TMBIM4: variants seen among roughly 807,000 people sequenced by gnomAD.
TMBIM4 encodes transmembrane BAX inhibitor motif containing 4.
TMBIM4 carries 28 observed loss-of-function variants against 27.7 expected under a neutral mutation model. The observed-to-expected ratio is 1.01, with a 90% CI of 0.75 to 1.38. TMBIM4 has a LOEUF of 1.38. TMBIM4 is among the 40% of genes most tolerant of loss of function. TMBIM4 has a pLI of 0.00. For missense variants in TMBIM4, 265 were observed against 277.5 expected, an observed-to-expected ratio of 0.95 and a Z score of 0.32; for synonymous variants, 115 against 113.1, an observed-to-expected ratio of 1.02 and a Z score of -0.11.
chr12:66,163,217 G>A (rs1365398742), intron 1 of TMBIM4, among the ~76,000 whole-genome samples: 1 of 152,142 alleles, frequency 6.6e-6, no homozygotes, highest in Non-Finnish European at 1.5e-5. Flanking sequence ...CCTGGGACTA[G>A]CAGGGACTCT....
intron 5 of TMBIM4, among the ~76,000 whole-genome samples, chr12:66,142,899 G>C (rs1045567552): frequency 6.6e-6 from 1 of 152,112 alleles, no homozygotes; most frequent in Non-Finnish European, 1.5e-5. Flanking sequence ...ATTTGAGCCT[G>C]ATCAGACACT....
chr12:66,165,903 G>C (rs2136887817), intron 1 of TMBIM4, among the ~76,000 whole-genome samples: 1 of 152,080 alleles, frequency 6.6e-6, no homozygotes, highest in African/African-American at 2.4e-5. Flanking sequence ...TGTGTTCTTT[G>C]ATACACAGAA....
At chr12:66,154,919 G>T (rs1332971324) in intron 1 of TMBIM4, among the ~76,000 whole-genome samples, 1 of 152,118 alleles carries the variant, frequency 6.6e-6, no homozygotes, top group African/African-American at 2.4e-5. Flanking sequence ...GTCCTAAACA[G>T]ATTTTACTGG....
intron 1 of TMBIM4, 129 bp downstream of exon 1, chr12:66,169,726 G>A: frequency 1.5e-6 from 1 of 653,082 alleles, no homozygotes; most frequent in Non-Finnish European, 2.4e-6. Flanking sequence ...AAGGAGGGCC[G>A]GGAGCTCAGT....
At chr12:66,138,269 A>G in intron 6 of TMBIM4, 103 bp from the exon 7 acceptor site, 1 of 1,472,816 alleles carries the variant, frequency 6.8e-7, no homozygotes, top group South Asian at 1.4e-5. Flanking sequence ...TACATTTGAC[A>G]ATGGTGTACA....
At chr12:66,151,129 G>A (rs905333020) in intron 3 of TMBIM4, among the ~76,000 whole-genome samples, 6 of 151,942 alleles carry the variant, frequency 3.9e-5, no homozygotes, top group African/African-American at 1.5e-4. Flanking sequence ...AAAGTCATCA[G>A]CTTTTCATTT....
chr12:66,157,935 C>G (rs2051963536), intron 1 of TMBIM4, among the ~76,000 whole-genome samples: 1 of 152,016 alleles, frequency 6.6e-6, no homozygotes, highest in Non-Finnish European at 1.5e-5. Context: ...GAAGAAATGT[C>G]AAAAAGATGG....
At chr12:66,150,228 T>A (rs2051822337) in intron 3 of TMBIM4, among the ~76,000 whole-genome samples, 1 of 152,164 alleles carries the variant, frequency 6.6e-6, no homozygotes. Context: ...GCCGTCTTTT[T>A]TTTTATACTT....
chr12:66,161,446 G>T (rs1452827651), intron 1 of TMBIM4, among the ~76,000 whole-genome samples: 1 of 152,146 alleles, frequency 6.6e-6, no homozygotes, highest in Non-Finnish European at 1.5e-5. Flanking sequence ...TCACCGTGTT[G>T]CATAGGCTAG....
chr12:66,149,712 G>A (rs985654912), intron 3 of TMBIM4, among the ~76,000 whole-genome samples: 3 of 152,182 alleles, frequency 2.0e-5, no homozygotes, highest in South Asian at 2.1e-4. Context: ...TGAAAATATC[G>A]TAAGTAAAAA....
At position 66,137,395 on chromosome 12, in the gene TMBIM4, A is replaced by G. The variant is rs898444343; in HGVS notation, c.*565T>C. On this transcript the variant is annotated 3_prime_UTR_variant, in exon 7 of 7. Coordinates refer to ENST00000358230, the MANE Select transcript of TMBIM4 (RefSeq NM_016056.4). Reference sequence around the variant, plus strand: ...GCTATGCGTGGCTAATTTAGGAAGAAAAATTTTTTTTTTTTTTTTGAGACT... The same window carrying G: ...GCTATGCGTGGCTAATTTAGGAAGAGAAATTTTTTTTTTTTTTTTGAGACT... 2.0e-5 allele frequency: 3 copies of G among 152,148 alleles called. No individual in the cohort carries two copies. Among genetic ancestry groups the G allele is most frequent in the Non-Finnish European group, 4.4e-5 (3 of 68,062 alleles). 9.4% of individuals were successfully genotyped at this position (152,148 alleles called of 1,614,324 possible). A position where few individuals can be genotyped will look rare whatever the true frequency, so the allele number is the denominator to read the frequency against.
Position 66,153,354 on chromosome 12 carries a change from T to C in TMBIM4, c.192A>G (p.Thr64=). 1.3e-6 allele frequency: 2 copies of C among 1,571,088 alleles called. No homozygotes were observed. Among genetic ancestry groups the C allele is most frequent in the Non-Finnish European group, 1.7e-6 (2 of 1,151,026 alleles). The change falls in exon 2 of 7, where the codon ACA becomes ACG. Residue 64 remains threonine, a synonymous_variant. Coordinates refer to ENST00000358230, the MANE Select transcript of TMBIM4 (RefSeq NM_016056.4). ...CATTACCTTACCTCTCATGTACAAA[T>C]GTCCGTACAGACTCAAAGTATAAAA... ...TVFLYFESVR[T]FVHESPALIL... is the part of the protein sequence containing the mutation.
At chr12:66,163,489 CCTT>C (rs1056994965) in intron 1 of TMBIM4, among the ~76,000 whole-genome samples, 8 of 151,984 alleles carry the variant, frequency 5.3e-5, no homozygotes, top group African/African-American at 1.9e-4. Flanking sequence ...GCAAACATGT[CCTT>C]CTTCTCATGA....
At chr12:66,146,947 T>C (rs191248506) in intron 4 of TMBIM4, among the ~76,000 whole-genome samples, 84 of 152,334 alleles carry the variant, frequency 5.5e-4, no homozygotes, top group African/African-American at 1.8e-3. Context: ...ACCTCATCTA[T>C]GTTTTTCTAC....
In TMBIM4 at chr12:66,167,429, T is replaced by C. The variant is rs536212412; in HGVS notation, c.97+2426A>G. ...CCTAAAATTGCTTTTAAAAAATTAA[T>C]TGGGCAAAGGACTTGAATAACATTT... On this transcript the variant is annotated intron_variant, in intron 1 of 6. Coordinates refer to ENST00000358230, the MANE Select transcript of TMBIM4 (RefSeq NM_016056.4). 2.8e-4 allele frequency among the ~76,000 whole-genome samples: 42 copies of C among 152,356 alleles called. No homozygotes were observed. In the South Asian group the frequency reaches 3.9e-3, roughly 14 times the overall value.
At chr12:66,140,515 A>T (rs931458006) in intron 5 of TMBIM4, among the ~76,000 whole-genome samples, 6 of 152,220 alleles carry the variant, frequency 3.9e-5, no homozygotes, top group Non-Finnish European at 8.8e-5. Context: ...AGGGGACAAC[A>T]TCTAGAAGTC....
chr12:66,144,118 C>T (rs1592536421), intron 5 of TMBIM4, among the ~76,000 whole-genome samples: 1 of 152,038 alleles, frequency 6.6e-6, no homozygotes, highest in East Asian at 1.9e-4. Flanking sequence ...TTTTGTATCA[C>T]CCAACTGCTT....
At chr12:66,138,819 A>C in intron 5 of TMBIM4, 50 bp from the exon 6 acceptor site, 1 of 1,437,706 alleles carries the variant, frequency 7.0e-7, no homozygotes, top group Non-Finnish European at 9.1e-7. Context: ...TTACAAAAAA[A>C]CTTTGTAAAC....
chr12:66,160,804 G>A (rs200712768), intron 1 of TMBIM4, among the ~76,000 whole-genome samples: 5 of 149,200 alleles, frequency 3.4e-5, no homozygotes, highest in East Asian at 4.0e-4. Flanking sequence ...GGCGGCGGCC[G>A]GGCAGAGGTG....
Sources: allele counts gnomAD v4.1 joint callset (sites outside exome capture counted in the v4.1 genomes callset), GRCh38; gene constraint gnomAD v4.1.1; transcripts MANE v1.5; gene names NCBI Gene and HGNC (gene_info 2026-07-23, HGNC 2026-07-21).